Variants in AMPH observed in about 807,000 individuals in gnomAD.
AMPH encodes amphiphysin (Stiff-Mann syndrome with breast cancer 128kD autoantigen).
A neutral mutation model predicts 99.1 loss-of-function variants in AMPH; 49 were observed. The ratio of observed to expected loss-of-function variants is 0.49; its 90% CI spans 0.39 to 0.63. The LOEUF is 0.63. AMPH is among the 20% of genes least tolerant of loss of function. The pLI is 0.00. For missense variants in AMPH, 759 were observed against 863.4 expected, an observed-to-expected ratio of 0.88 and a Z score of 1.52; for synonymous variants, 314 against 317.3, an observed-to-expected ratio of 0.99 and a Z score of 0.11.
At chr7:38,507,245 TAA>T (rs1021010553) in intron 2 of AMPH, among the ~76,000 whole-genome samples, 6 of 152,178 alleles carry the variant, frequency 3.9e-5, no homozygotes, top group African/African-American at 1.2e-4. Flanking sequence ...ATTTTTTATA[TAA>T]GAGTGGAACA....
chr7:38,440,375 A>T (rs536972035), intron 11 of AMPH, among the ~76,000 whole-genome samples: 1 of 152,322 alleles, frequency 6.6e-6, no homozygotes, highest in East Asian at 1.9e-4. Context: ...ACAAAATCAG[A>T]AAGAATACAT....
At position 38,395,102 on chromosome 7, in the gene AMPH, G is replaced by C. The variant is rs142018900; in HGVS notation, c.1399-888C>G. Among the ~76,000 whole-genome samples, 1,387 of 152,224 alleles carry C rather than the reference G, an allele frequency of 9.1e-3. 21 individuals carry two copies. The highest frequency in any genetic ancestry group is 0.031 in the African/African-American group (1,287 of 41,520). ...CAGGATGGAAGTGGCCTGGGTCAGA[G>C]AGAAAAGCCATATCAGAAAAGCATC... On this transcript the variant is annotated intron_variant, in intron 17 of 20. Coordinates refer to ENST00000356264, the MANE Select transcript of AMPH (RefSeq NM_001635.4).
intron 1 of AMPH, among the ~76,000 whole-genome samples, chr7:38,560,363 C>T (rs1791512542): frequency 6.6e-6 from 1 of 152,180 alleles, no homozygotes. Flanking sequence ...GTCCATCCAG[C>T]CCCAGAAACT....
chr7:38,422,757 T>C (rs1017247942), intron 15 of AMPH, among the ~76,000 whole-genome samples: 1 of 152,106 alleles, frequency 6.6e-6, no homozygotes, highest in Non-Finnish European at 1.5e-5. Flanking sequence ...TAGCTAGAAG[T>C]ACAGGCGCAC....
intron 3 of AMPH, 66 bp downstream of exon 3, chr7:38,503,584 G>A: frequency 6.6e-7 from 1 of 1,518,352 alleles, no homozygotes; most frequent in African/African-American, 1.4e-5. Flanking sequence ...ACTCAATCCT[G>A]TCACTCATGA....
At chr7:38,461,105 TA>T (rs1787423539) in intron 11 of AMPH, among the ~76,000 whole-genome samples, 177 bp downstream of exon 11, 3 of 152,210 alleles carry the variant, frequency 2.0e-5, no homozygotes, top group Admixed American at 2.0e-4. Context: ...AATTTTCAAA[TA>T]CCGTACATCT....
chr7:38,429,524 T>C (rs1584078798), intron 14 of AMPH: 2 of 1,385,780 alleles, frequency 1.4e-6, no homozygotes, highest in Non-Finnish European at 1.9e-6. Flanking sequence ...ACCCACTGTC[T>C]GGAGTTTCCT....
intron 1 of AMPH, among the ~76,000 whole-genome samples, chr7:38,572,960 G>A (rs372199576): frequency 3.9e-5 from 6 of 152,100 alleles, no homozygotes; most frequent in African/African-American, 7.2e-5. Context: ...AGCAAAAAGC[G>A]CCTTACTGTA....
In AMPH at chr7:38,476,872, C is replaced by T. The variant is rs1032416581; in HGVS notation, c.494G>A (p.Arg165Gln). 2 of 1,613,168 alleles carry T rather than the reference C, an allele frequency of 1.2e-6. No homozygotes were observed. The highest frequency in any genetic ancestry group is 1.3e-5 in the African/African-American group (1 of 74,864). The change falls in exon 6 of 21, where the codon CGA (arginine) becomes CAA (glutamine). Residue 165 changes from arginine (R) to glutamine (Q), a missense_variant. Around this residue, in one of 2 missense-constraint regions of AMPH, gnomAD observed 205 missense variants for 287.9 expected, o/e 0.71. Coordinates refer to ENST00000356264, the MANE Select transcript of AMPH (RefSeq NM_001635.4). ...GGGCTCAATCCCTACCTTAGAGATT[C>T]GACTCTCATCCTTCCTCTTGGAGCT... is the stretch of plus-strand genomic sequence containing the variant. The part of the protein sequence containing the change: ...LQSSKRKDES[R>Q]ISKAEEEFQK...
intron 1 of AMPH, among the ~76,000 whole-genome samples, chr7:38,598,203 AGTT>A (rs1793124267): frequency 6.6e-6 from 1 of 152,166 alleles, no homozygotes; most frequent in African/African-American, 2.4e-5. Context: ...AGTGAAAGCA[AGTT>A]GTTAAGTTAG....
At chr7:38,550,854 A>G (rs1791156440) in intron 1 of AMPH, among the ~76,000 whole-genome samples, 1 of 152,214 alleles carries the variant, frequency 6.6e-6, no homozygotes, top group African/African-American at 2.4e-5. Flanking sequence ...TAAAAAGATG[A>G]TTCCGCAAAT....
chr7:38,599,879 A>G (rs922362293), intron 1 of AMPH, among the ~76,000 whole-genome samples: 4 of 152,024 alleles, frequency 2.6e-5, no homozygotes, highest in East Asian at 1.9e-4. Flanking sequence ...CAAAGCCCCT[A>G]CTTTCCAATA....
At chr7:38,526,285 T>C (rs954396844) in intron 2 of AMPH, among the ~76,000 whole-genome samples, 3 of 151,606 alleles carry the variant, frequency 2.0e-5, no homozygotes, top group Non-Finnish European at 2.9e-5. Flanking sequence ...TTTTTTTTTT[T>C]CTGAGATAGA....
intron 15 of AMPH, among the ~76,000 whole-genome samples, chr7:38,424,160 A>G (rs947719951): frequency 2.0e-4 from 30 of 152,230 alleles, no homozygotes; most frequent in African/African-American, 7.2e-4. Context: ...TGGCTCCCCA[A>G]CAGAAAAGAT....
At chr7:38,532,085 C>A (rs1021199360) in intron 2 of AMPH, among the ~76,000 whole-genome samples, 1 of 152,142 alleles carries the variant, frequency 6.6e-6, no homozygotes, top group Non-Finnish European at 1.5e-5. Flanking sequence ...GGATTCTTCT[C>A]TCCGTAGAGC....
chr7:38,448,453 C>T lies in AMPH; in HGVS notation c.1018-12065G>A, dbSNP rs147558087. On this transcript the variant is annotated intron_variant, in intron 11 of 20. Coordinates refer to ENST00000356264, the MANE Select transcript of AMPH (RefSeq NM_001635.4). ...CACACTATGTTTTTTCCTATACATA[C>T]ATACCTATGATAAAGTTGAAGTTAT... Among the ~76,000 whole-genome samples the T allele has an allele frequency of 1.2e-4, 19 of 152,316 alleles. 1 individual carries two copies. In the East Asian group the frequency reaches 3.7e-3, roughly 29 times the overall value.
chr7:38,406,272 C>A (rs1379510065), intron 17 of AMPH, among the ~76,000 whole-genome samples: 1 of 151,896 alleles, frequency 6.6e-6, no homozygotes, highest in Non-Finnish European at 1.5e-5. Flanking sequence ...ATATAAAGAT[C>A]TCAAATTAAC....
intron 17 of AMPH, among the ~76,000 whole-genome samples, chr7:38,410,297 G>A (rs1431625487): frequency 1.3e-5 from 2 of 152,178 alleles, no homozygotes; most frequent in East Asian, 3.9e-4. Flanking sequence ...ATTACACTTT[G>A]TTGGCAAAAC....
chr7:38,612,084 CTTCTTT>C lies in AMPH; in HGVS notation c.69+19193_69+19198del, dbSNP rs1345733729. 5.5e-3 allele frequency among the ~76,000 whole-genome samples: 501 copies of C among 90,890 alleles called. 6 individuals are homozygous for C. The highest frequency in any genetic ancestry group is 0.019 in the African/African-American group (437 of 22,464). The allele number at this position is 90,890 out of a possible 152,430, so 59.6% of individuals were successfully genotyped here. On this transcript the variant is annotated intron_variant, in intron 1 of 20. Transcript: ENST00000356264. ...ACTGCTAAGACTGATTTTTTGTCTT[CTTCTTT>C]TTTTTTTTTTTTTTTTTTGAGATGG...
Sources: allele counts gnomAD v4.1 joint callset (sites outside exome capture counted in the v4.1 genomes callset), GRCh38; gene constraint gnomAD v4.1.1; regional missense constraint gnomAD v4.1.1; transcripts MANE v1.5; gene names NCBI Gene and HGNC (gene_info 2026-07-23, HGNC 2026-07-21).